ARID2: variants seen among roughly 807,000 people sequenced by gnomAD.
ARID2 encodes AT-rich interactive domain-containing protein 2.
Under a neutral mutation model 184.6 loss-of-function variants are expected in ARID2, and 32 were observed. That is an observed-to-expected ratio of 0.17 (90% CI 0.13 to 0.23). The LOEUF (loss-of-function observed/expected upper bound fraction) is 0.23. Among genes scored for constraint, ARID2 ranks in the 10% least tolerant of loss-of-function variants. The pLI, the probability that ARID2 is intolerant of heterozygous loss-of-function variation, is 1.00. For missense variants in ARID2, 1,696 were observed against 2,197.6 expected, an observed-to-expected ratio of 0.77 and a Z score of 4.56; for synonymous variants, 836 against 772.6, an observed-to-expected ratio of 1.08 and a Z score of -1.36.
intron 16 of ARID2, chr12:45,881,271 T>G (rs986812619): frequency 2.6e-5 from 4 of 156,748 alleles, no homozygotes; most frequent in African/African-American, 9.6e-5. Context: ...GCTTCTCTTT[T>G]GCCCAGCTAA....
At chr12:45,742,858 A>G (rs1941289568) in intron 3 of ARID2, among the ~76,000 whole-genome samples, 3 of 152,198 alleles carry the variant, frequency 2.0e-5, no homozygotes, top group African/African-American at 7.2e-5. Context: ...ATGCACATGT[A>G]GTTTTGTTAA....
chr12:45,905,096 A>C lies in ARID2; in HGVS notation c.*18A>C. On this transcript the variant is annotated 3_prime_UTR_variant, in exon 21 of 21. Transcript: ENST00000334344. ...TGCAGTGAAAAATAATTCCACTTAC[A>C]CAGTGGGGGACTCAAAGTCAGCCAC... 4.4e-6 allele frequency: 7 copies of C among 1,607,320 alleles called. No homozygotes were observed. The highest frequency in any genetic ancestry group is 5.9e-6 in the Non-Finnish European group (7 of 1,176,712).
In ARID2 at chr12:45,784,533, C is replaced by G. The variant is rs570005844; in HGVS notation, c.285-26885C>G. Among the ~76,000 whole-genome samples, 17 of 152,162 alleles carry G rather than the reference C, an allele frequency of 1.1e-4. No individual in the cohort carries two copies. The South Asian group carries it at 3.5e-3, about 32-fold the overall frequency. On this transcript the variant is annotated intron_variant, in intron 3 of 20. Transcript: ENST00000334344. The stretch of plus-strand genomic sequence containing the variant: ...TCTCTACAAAAAATACAAAAATTAG[C>G]TGGGTATGGTCCCAGCTACTTTCAG...
intron 3 of ARID2, among the ~76,000 whole-genome samples, chr12:45,768,520 A>G (rs777894509): frequency 5.9e-5 from 9 of 152,190 alleles, no homozygotes; most frequent in Non-Finnish European, 1.2e-4. Flanking sequence ...GGGGAGAAGT[A>G]TGCTGTAAGA....
chr12:45,890,327 G>A (rs1944280355), intron 16 of ARID2, among the ~76,000 whole-genome samples: 1 of 152,224 alleles, frequency 6.6e-6, no homozygotes, highest in Admixed American at 6.5e-5. Context: ...TTAATTGTAT[G>A]TATTGAAAAA....
rs891107320 is a variant in ARID2 at position 45,785,544 on chromosome 12, G to GA, written c.285-25865dup. 4.7e-5 allele frequency among the ~76,000 whole-genome samples: 7 copies of GA among 150,304 alleles called. No individual in the cohort carries two copies. The South Asian group carries it at 6.3e-4, about 14-fold the overall frequency. ...TAAGTACAACGCCCCTGGGTTAGTG[G>GA]AAAAAAAAACCTTACACAAGTTACT... On this transcript the variant is annotated intron_variant, in intron 3 of 20. Transcript: ENST00000334344.
At chr12:45,730,873 CTTT>C (rs564524227) in intron 2 of ARID2, among the ~76,000 whole-genome samples, 5 of 96,684 alleles carry the variant, frequency 5.2e-5, no homozygotes, top group Admixed American at 1.1e-4. Context: ...TCCTTTTGAA[CTTT>C]TTTTTTTTTT....
chr12:45,875,141 G>C (rs1280629955), intron 16 of ARID2, among the ~76,000 whole-genome samples: 1 of 152,102 alleles, frequency 6.6e-6, no homozygotes, highest in Non-Finnish European at 1.5e-5. Context: ...AAAAATAGTT[G>C]AAGTGACTGC....
At chr12:45,801,094 C>T (rs975313406) in intron 3 of ARID2, among the ~76,000 whole-genome samples, 10 of 152,178 alleles carry the variant, frequency 6.6e-5, no homozygotes, top group South Asian at 2.1e-4. Context: ...GGGCGGATCA[C>T]GAGGTCAGGA....
intron 3 of ARID2, among the ~76,000 whole-genome samples, chr12:45,808,981 G>A (rs1942654017): frequency 1.3e-5 from 2 of 152,010 alleles, no homozygotes; most frequent in Admixed American, 1.3e-4. Context: ...GGCCATGCTG[G>A]CCTCGAACTC....
intron 12 of ARID2, among the ~76,000 whole-genome samples, chr12:45,848,269 A>G (rs569482413): frequency 6.6e-6 from 1 of 152,172 alleles, no homozygotes; most frequent in African/African-American, 2.4e-5. Context: ...ATGAGGTTTG[A>G]ATTAGTTTGT....
At chr12:45,882,981 A>G (rs544859450) in intron 16 of ARID2, among the ~76,000 whole-genome samples, 1 of 152,316 alleles carries the variant, frequency 6.6e-6, no homozygotes, top group Non-Finnish European at 1.5e-5. Context: ...TTGCATTTTC[A>G]ATTGTCAGGA....
At chr12:45,753,316 T>TC (rs1285525878) in intron 3 of ARID2, among the ~76,000 whole-genome samples, 1 of 151,708 alleles carries the variant, frequency 6.6e-6, no homozygotes, top group African/African-American at 2.4e-5. Context: ...AAAAAGTGTT[T>TC]CCCCCCTCAT....
intron 4 of ARID2, among the ~76,000 whole-genome samples, chr12:45,815,767 T>C (rs1942793934): frequency 6.6e-6 from 1 of 152,108 alleles, no homozygotes; most frequent in Non-Finnish European, 1.5e-5. Flanking sequence ...GCTCAAGCAA[T>C]CCTCCCAGCT....
In ARID2 at chr12:45,821,499, T is replaced by A. The variant is rs769829832; in HGVS notation, c.705+12T>A. The A allele has an allele frequency of 2.5e-5, 36 of 1,466,842 alleles. No individual in the cohort carries two copies. Among genetic ancestry groups the A allele is most frequent in the Non-Finnish European group, 3.0e-5 (33 of 1,105,726 alleles). The allele number at this position is 1,466,842 out of a possible 1,614,324, so 90.9% of individuals were successfully genotyped here. On this transcript the variant is annotated intron_variant, in intron 6 of 20. Coordinates refer to ENST00000334344, the MANE Select transcript of ARID2 (RefSeq NM_152641.4). ...GAGACTTCGTTAAGGTAAATCATTT[T>A]AATTAAAATGTTGATTCATTGAGTT...
chr12:45,834,882 G>T (rs1404990563), intron 6 of ARID2, among the ~76,000 whole-genome samples: 1 of 151,934 alleles, frequency 6.6e-6, no homozygotes, highest in African/African-American at 2.4e-5. Context: ...AGTTTGTAGT[G>T]CTTCTGAAAT....
At chr12:45,818,904 T>G (rs567316906) in intron 5 of ARID2, among the ~76,000 whole-genome samples, 1 of 152,266 alleles carries the variant, frequency 6.6e-6, no homozygotes, top group South Asian at 2.1e-4. Flanking sequence ...CTATTCTTGA[T>G]TACATGGATG....
rs774795179 is a variant in ARID2 at position 45,851,045 on chromosome 12, A to G, written c.2922A>G (p.Pro974=). The G allele has an allele frequency of 4.6e-5, 74 of 1,613,924 alleles. No individual in the cohort carries two copies. Among genetic ancestry groups the G allele is most frequent in the Middle Eastern group, 1.6e-4 (1 of 6,084 alleles). ...GQPNITPSSS[P]SPVPATNNQV... is the part of the protein sequence containing the mutation. ...CTAACATAACTCCATCTTCTTCACC[A>G]TCACCTGTCCCAGCTACTAATAACC... The change falls in exon 15 of 21, where the codon CCA becomes CCG. Residue 974 remains proline (P), a synonymous_variant. Coordinates refer to ENST00000334344, the MANE Select transcript of ARID2 (RefSeq NM_152641.4).
intron 3 of ARID2, among the ~76,000 whole-genome samples, chr12:45,756,907 G>GA (rs1157914555): frequency 2.0e-5 from 3 of 151,516 alleles, no homozygotes; most frequent in Non-Finnish European, 2.9e-5. Context: ...TCTAAAAAAA[G>GA]AAAAAAAAGA....
Sources: gnomAD v4.1 joint callset for allele counts (sites outside exome capture counted in the v4.1 genomes callset) on GRCh38, gnomAD v4.1.1 for gene constraint, MANE v1.5 for transcripts, NCBI Gene and HGNC (gene_info 2026-07-23, HGNC 2026-07-21) for gene names.